IFNGR1: variants seen among roughly 807,000 people sequenced by gnomAD.
IFNGR1 encodes interferon gamma receptor 1.
A neutral mutation model predicts 35.4 loss-of-function variants in IFNGR1; 23 were observed. The observed-to-expected ratio is 0.65, with a 90% CI of 0.47 to 0.92. The LOEUF (loss-of-function observed/expected upper bound fraction) is 0.92, where lower values mean the gene tolerates loss of function less well. IFNGR1 is among the 40% of genes least tolerant of loss of function. IFNGR1 has a pLI of 0.00. For synonymous variants in IFNGR1, 199 were observed against 209.5 expected (o/e 0.95, Z 0.43); for missense variants, 533 against 583.4 (o/e 0.91, Z 0.89).
At chr6:137,198,952 G>T in intron 6 of IFNGR1, among the ~76,000 whole-genome samples, 1 of 152,104 alleles carries the variant, frequency 6.6e-6, no homozygotes, top group East Asian at 1.9e-4. Context: ...TGTCTGTGAG[G>T]GTGCTGCCAA....
intron 1 of IFNGR1, among the ~76,000 whole-genome samples, chr6:137,212,050 C>T (rs367766918): frequency 3.9e-5 from 6 of 152,090 alleles, no homozygotes; most frequent in African/African-American, 1.4e-4. Context: ...AAAGTCTCAC[C>T]TGTTACTATA....
At chr6:137,200,303 C>A (rs1351483414) in intron 6 of IFNGR1, among the ~76,000 whole-genome samples, 1 of 152,178 alleles carries the variant, frequency 6.6e-6, no homozygotes, top group Non-Finnish European at 1.5e-5. Context: ...ATGTTCTTTA[C>A]ATCAAAGGCT....
chr6:137,215,270 C>G, intron 1 of IFNGR1: 2 of 1,547,576 alleles, frequency 1.3e-6, no homozygotes, highest in Non-Finnish European at 1.7e-6. Flanking sequence ...AAATTACCTC[C>G]ATATTTAAAT....
intron 1 of IFNGR1, among the ~76,000 whole-genome samples, chr6:137,215,641 C>A (rs1779677257): frequency 6.6e-6 from 1 of 152,124 alleles, no homozygotes; most frequent in Non-Finnish European, 1.5e-5. Context: ...TGGTATGCTG[C>A]CAAATTTTGT....
intron 1 of IFNGR1, among the ~76,000 whole-genome samples, chr6:137,211,556 C>T (rs767432833): frequency 5.9e-5 from 9 of 152,170 alleles, no homozygotes; most frequent in African/African-American, 1.7e-4. Flanking sequence ...CTTCCAGAGG[C>T]GCAGCTGAAG....
Position 137,206,982 on chromosome 6 carries a change from C to T in IFNGR1, c.181G>A (p.Val61Ile), listed in dbSNP as rs17175322. Reference sequence around the variant, plus strand: ...ACTCACCCATAGTTCTTTACCTCTACGGTAAAAACAGGGACCTGTGGCATG... The same window carrying T: ...ACTCACCCATAGTTCTTTACCTCTATGGTAAAAACAGGGACCTGTGGCATG... ...QIMPQVPVFTVEVKNYGVKNS... is the reference protein window; with the variant it reads ...QIMPQVPVFTIEVKNYGVKNS... The change falls in exon 2 of 7, where the codon GTA becomes ATA. Residue 61 changes from valine to isoleucine, a missense_variant. Val to Ile is a conservative substitution (Grantham distance 29, BLOSUM62 3). Transcript: ENST00000367739. 5.8e-4 allele frequency: 940 copies of T among 1,607,632 alleles called. 2 individuals carry two copies. The African/African-American group carries it at 8.7e-3, about 15-fold the overall frequency.
rs9402879 is a variant in IFNGR1 at position 137,210,055 on chromosome 6, T to C, written c.86-2978A>G. On this transcript the variant is annotated intron_variant, in intron 1 of 6. Coordinates refer to ENST00000367739, the MANE Select transcript of IFNGR1 (RefSeq NM_000416.3). ...TCAGACACTACCAAAATCTAGTTAT[T>C]AAAAGTAGTCATGGGCCAGGTGCGG... The C allele has an allele frequency of 0.23, 88,947 of 390,704 alleles. 11,134 individuals are homozygous for C. Among genetic ancestry groups the C allele is most frequent in the East Asian group, 0.42 (11,470 of 27,584 alleles). The allele number at this position is 390,704 out of a possible 1,614,324, so 24.2% of individuals were successfully genotyped here.
Position 137,197,829 on chromosome 6 carries a change from TA to T in IFNGR1, c.*201del, listed in dbSNP as rs869132002. On this transcript the variant is annotated 3_prime_UTR_variant, in exon 7 of 7. Coordinates refer to ENST00000367739, the MANE Select transcript of IFNGR1 (RefSeq NM_000416.3). ...CATAAGTTACAATGCTTTTTTTGTTTAAAAAAAAAAAAAAGTCTGTACTTTA... is the reference window on the plus strand; with the variant it reads ...CATAAGTTACAATGCTTTTTTTGTTTAAAAAAAAAAAAAGTCTGTACTTTA... The T allele has an allele frequency of 0.22, 99,823 of 453,246 alleles. 3 individuals are homozygous for T. Among genetic ancestry groups the T allele is most frequent in the South Asian group, 0.32 (11,643 of 35,866 alleles). The allele number at this position is 453,246 out of a possible 1,614,324, so 28.1% of individuals were successfully genotyped here. A position where few individuals can be genotyped will look rare whatever the true frequency, so the allele number is the denominator to read the frequency against.
intron 2 of IFNGR1, 88 bp downstream of exon 2, chr6:137,206,875 G>C: frequency 9.9e-7 from 1 of 1,008,728 alleles, no homozygotes; most frequent in Non-Finnish European, 1.5e-6. Flanking sequence ...TGCCACGTGG[G>C]AAGGCTGATG....
Position 137,201,013 on chromosome 6 carries a change from A to T in IFNGR1, c.734-5T>A, listed in dbSNP as rs750987488. 12 of 1,613,056 alleles carry T rather than the reference A, an allele frequency of 7.4e-6. No homozygotes were observed. The highest frequency in any genetic ancestry group is 1.7e-4 in the Middle Eastern group (1 of 6,056). On this transcript the variant is annotated splice_region_variant and splice_polypyrimidine_tract_variant and intron_variant, in intron 5 of 6. Coordinates refer to ENST00000367739, the MANE Select transcript of IFNGR1 (RefSeq NM_000416.3). Reference sequence around the variant, plus strand: ...CAACTGGAATCCAAAGAGAACCTTAAAAAAGGCAGAAATCACAAGTTACAA... The same window carrying T: ...CAACTGGAATCCAAAGAGAACCTTATAAAAGGCAGAAATCACAAGTTACAA...
rs180917348 is a variant in IFNGR1, at chr6:137,210,497, T to C, written c.86-3420A>G. Among the ~76,000 whole-genome samples the C allele has an allele frequency of 8.6e-5, 13 of 151,802 alleles. No homozygotes were observed. The East Asian group carries it at 2.3e-3, about 27-fold the overall frequency. On this transcript the variant is annotated intron_variant, in intron 1 of 6. Transcript: ENST00000367739. ...ATCTCACCTCCCTGGAACACTCTATTAAACATGATTTACTTATATAACTAA... is the reference window on the plus strand; with the variant it reads ...ATCTCACCTCCCTGGAACACTCTATCAAACATGATTTACTTATATAACTAA...
chr6:137,219,091 C>G (rs1269694158), intron 1 of IFNGR1, 152 bp downstream of exon 1: 1 of 953,700 alleles, frequency 1.0e-6, no homozygotes, highest in Non-Finnish European at 1.6e-6. Context: ...CTCGCGACCC[C>G]ACCTCGCGTC....
chr6:137,202,644 C>CACAA (rs59020499), intron 5 of IFNGR1, among the ~76,000 whole-genome samples: 1 of 141,716 alleles, frequency 7.1e-6, no homozygotes, highest in Non-Finnish European at 1.5e-5. Context: ...CACACACACA[C>CACAA]AAAGATAATC....
rs1235375041 is a variant in IFNGR1, at chr6:137,198,302, C to T, written c.1199G>A (p.Arg400Lys). The T allele has an allele frequency of 6.2e-7, 1 of 1,614,122 alleles. No homozygotes were observed. The highest frequency in any genetic ancestry group is 1.7e-5 in the Admixed American group (1 of 60,010). ...GGAGTGATCACTCTCAGAACAATTTCTGGAGTGATACGAGTTTAAAGCGAT... is the reference window on the plus strand; with the variant it reads ...GGAGTGATCACTCTCAGAACAATTTTTGGAGTGATACGAGTTTAAAGCGAT... ...GSIALNSYHSRNCSESDHSRN... is the reference protein window; with the variant it reads ...GSIALNSYHSKNCSESDHSRN... Residue 400 changes from arginine (R) to lysine (K), a missense_variant, in exon 7 of 7, where the codon AGA (arginine) becomes AAA (lysine). Physicochemically the swap from Arg to Lys is conservative, Grantham distance 26 (BLOSUM62 2). Transcript: ENST00000367739.
intron 1 of IFNGR1, 107 bp downstream of exon 1, chr6:137,219,136 C>CG (rs1037981144): frequency 6.9e-7 from 1 of 1,449,764 alleles, no homozygotes; most frequent in Admixed American, 2.0e-5. Context: ...GCAGGGGTCC[C>CG]GGGCTAGGGC....
In IFNGR1 at chr6:137,206,265, G is replaced by C. The variant is rs2114487300; in HGVS notation, c.244C>G (p.His82Asp). Reference protein sequence around the residue: ...EWIDACINISHHYCNISDHVG... With the variant: ...EWIDACINISDHYCNISDHVG... ...TGATCAGAAATATTACAATAATGAT[G>C]AGAAATATTGATGCAGGCATCAATC... Residue 82 changes from histidine (H) to aspartate (D), a missense_variant, in exon 3 of 7, where the codon CAT becomes GAT. His to Asp is a moderately conservative substitution (Grantham distance 81, BLOSUM62 -1). Coordinates refer to ENST00000367739, the MANE Select transcript of IFNGR1 (RefSeq NM_000416.3). 1 of 1,609,242 alleles carries C rather than the reference G, an allele frequency of 6.2e-7. No individual in the cohort carries two copies. Among genetic ancestry groups the C allele is most frequent in the East Asian group, 2.2e-5 (1 of 44,836 alleles).
intron 1 of IFNGR1, among the ~76,000 whole-genome samples, chr6:137,212,937 A>G (rs1013325772): frequency 3.3e-5 from 5 of 152,216 alleles, no homozygotes; most frequent in African/African-American, 1.2e-4. Context: ...AAAACTTATA[A>G]ATTTACACCA....
chr6:137,207,266 A>T (rs1779457519), intron 1 of IFNGR1, among the ~76,000 whole-genome samples, 189 bp from the exon 2 acceptor site: 1 of 152,230 alleles, frequency 6.6e-6, no homozygotes, highest in African/African-American at 2.4e-5. Context: ...AATCTATAGA[A>T]GAGTTCTGAT....
intron 1 of IFNGR1, among the ~76,000 whole-genome samples, chr6:137,210,303 GAA>G (rs767508687): frequency 7.5e-6 from 1 of 133,918 alleles, no homozygotes. Context: ...AGTTCTCTTA[GAA>G]AAAAAAAAAA....
Sources: allele counts gnomAD v4.1 joint callset (sites outside exome capture counted in the v4.1 genomes callset), GRCh38; gene constraint gnomAD v4.1.1; transcripts MANE v1.5; gene names NCBI Gene and HGNC (gene_info 2026-07-23, HGNC 2026-07-21).